Variants in TNS1 observed in about 807,000 individuals in gnomAD.
The protein encoded by TNS1 is tensin 1, also known as tensin-1.
A neutral mutation model predicts 168.6 loss-of-function variants in TNS1; 62 were observed. The observed-to-expected ratio is 0.37, with a 90% CI of 0.30 to 0.45. TNS1 has a LOEUF of 0.45. Ranked by LOEUF, TNS1 falls within the 20% of genes least tolerant of loss-of-function variation. The pLI is 1.00. For missense variants in TNS1, 2,240 were observed against 2,339.4 expected, an observed-to-expected ratio of 0.96 and a Z score of 0.88; for synonymous variants, 934 against 933.2, an observed-to-expected ratio of 1.00 and a Z score of -0.02.
intron 1 of TNS1, among the ~76,000 whole-genome samples, chr2:217,992,928 A>G (rs1225715300): frequency 1.3e-5 from 2 of 152,242 alleles, no homozygotes; most frequent in African/African-American, 4.8e-5. Context: ...GCTGACGATC[A>G]GAAATGCAGT....
At chr2:217,970,700 T>C (rs1340693730) in intron 3 of TNS1, among the ~76,000 whole-genome samples, 2 of 152,020 alleles carry the variant, frequency 1.3e-5, no homozygotes, top group Admixed American at 6.6e-5. Flanking sequence ...TGGCTACTGA[T>C]TGCTGGGGTG....
upstream of TNS1, among the ~76,000 whole-genome samples, chr2:218,012,622 C>A (rs1958715745): frequency 6.6e-6 from 1 of 152,198 alleles, no homozygotes; most frequent in Non-Finnish European, 1.5e-5. Flanking sequence ...CAGCTTCCCA[C>A]TTCCAACTTC....
rs564654913 is a variant in TNS1 at position 217,886,162 on chromosome 2, A to G, written c.980-58T>C. The G allele has an allele frequency of 8.9e-6, 14 of 1,568,122 alleles. No homozygotes were observed. In the African/African-American group the frequency reaches 1.8e-4, roughly 20 times the overall value. ...GCAGAAACTGGCAGGCAGGAGGGGC[A>G]GAGGAGACAGTGAAGGGAGAAAGAG... On this transcript the variant is annotated intron_variant, in intron 13 of 32. Coordinates refer to ENST00000682258, the MANE Select transcript of TNS1 (RefSeq NM_001387777.1).
intron 18 of TNS1, chr2:217,879,495 T>G (rs1356552075): frequency 2.3e-6 from 1 of 440,820 alleles, no homozygotes; most frequent in East Asian, 7.5e-5. Context: ...TCTTGGCCAA[T>G]CTGAGGGTGC....
chr2:218,014,921 AAGGCAGGCAGGC>A (rs1175728124), upstream of TNS1, among the ~76,000 whole-genome samples: 116 of 76,290 alleles, frequency 1.5e-3, no homozygotes, highest in African/African-American at 5.2e-3. Flanking sequence ...GGAAGGAAGG[AAGGCAGGCAGGC>A]AGGCAGGCAG....
intron 12 of TNS1, among the ~76,000 whole-genome samples, chr2:217,887,181 T>G (rs1951286036): frequency 6.6e-6 from 1 of 152,244 alleles, no homozygotes; most frequent in Admixed American, 6.5e-5. Context: ...ATGTAGTTCT[T>G]CACTTTCTCT....
At chr2:217,844,043 T>A (rs536778076) in intron 19 of TNS1, among the ~76,000 whole-genome samples, 78 of 152,290 alleles carry the variant, frequency 5.1e-4, no homozygotes, top group African/African-American at 1.9e-3. Context: ...GTCCTCCTCC[T>A]GCCTTCCTGC....
chr2:217,825,666 T>C (rs1943510159), intron 22 of TNS1, among the ~76,000 whole-genome samples: 1 of 152,028 alleles, frequency 6.6e-6, no homozygotes, highest in Non-Finnish European at 1.5e-5. Flanking sequence ...CAGCCAAGCC[T>C]GTGGCTTGCG....
rs1574848014 is a variant in TNS1, at chr2:217,859,512, G to A, written c.1430-10425C>T. On this transcript the variant is annotated intron_variant, in intron 18 of 32. Coordinates refer to ENST00000682258, the MANE Select transcript of TNS1 (RefSeq NM_001387777.1). Reference sequence around the variant, plus strand: ...AGGACTGGGGTGTCACCCAGGCAGGGCTCCAGGAGGGGACAGGAGCCCCAA... The same window carrying A: ...AGGACTGGGGTGTCACCCAGGCAGGACTCCAGGAGGGGACAGGAGCCCCAA... The A allele has an allele frequency of 6.3e-6, 5 of 792,260 alleles. No homozygotes were observed. The East Asian group carries it at 1.3e-4, about 21-fold the overall frequency. The allele number at this position is 792,260 out of a possible 1,614,324, so 49.1% of individuals were successfully genotyped here.
At chr2:217,841,283 A>G in intron 19 of TNS1, 1 of 984,962 alleles carries the variant, frequency 1.0e-6, no homozygotes, top group Non-Finnish European at 1.2e-6. Context: ...CTGGCGTTGT[A>G]CGCTGCCCAC....
chr2:217,854,603 C>A (rs1385899174), intron 18 of TNS1, among the ~76,000 whole-genome samples: 1 of 152,186 alleles, frequency 6.6e-6, no homozygotes, highest in Non-Finnish European at 1.5e-5. Flanking sequence ...GGGCAAAACT[C>A]CTTAAAAGGA....
chr2:217,908,301 A>T (rs1037842098), intron 4 of TNS1, among the ~76,000 whole-genome samples: 3 of 152,108 alleles, frequency 2.0e-5, no homozygotes, highest in African/African-American at 7.2e-5. Flanking sequence ...AAGAAGAGAA[A>T]CTTCTTATGC....
intron 6 of TNS1, chr2:217,903,567 T>A: frequency 6.5e-7 from 1 of 1,528,550 alleles, no homozygotes. Flanking sequence ...TTCATCCAAC[T>A]CTCTAAACAC....
At chr2:217,842,457 TTC>T (rs1946106426) in intron 19 of TNS1, among the ~76,000 whole-genome samples, 1 of 152,164 alleles carries the variant, frequency 6.6e-6, no homozygotes, top group Non-Finnish European at 1.5e-5. Context: ...ACTTTTCTCT[TTC>T]TCTCTCATTC....
At chr2:217,928,524 C>T (rs1956152877) in intron 3 of TNS1, among the ~76,000 whole-genome samples, 2 of 152,228 alleles carry the variant, frequency 1.3e-5, no homozygotes, top group Non-Finnish European at 2.9e-5. Context: ...AACACCAAGC[C>T]AGGGCACACA....
At chr2:217,908,645 A>G (rs2125799945) in intron 4 of TNS1, among the ~76,000 whole-genome samples, 1 of 152,254 alleles carries the variant, frequency 6.6e-6, no homozygotes, top group Non-Finnish European at 1.5e-5. Flanking sequence ...GGCTGAGCGG[A>G]GGTAACAGTG....
upstream of TNS1, among the ~76,000 whole-genome samples, chr2:218,005,668 C>G (rs1235643860): frequency 6.6e-6 from 1 of 152,214 alleles, no homozygotes; most frequent in Non-Finnish European, 1.5e-5. Flanking sequence ...ATCCCCAGAG[C>G]CTGGCATACA....
chr2:217,891,349 C>G (rs1951729287), intron 11 of TNS1, among the ~76,000 whole-genome samples: 1 of 152,228 alleles, frequency 6.6e-6, no homozygotes. Flanking sequence ...TCCTGAATCT[C>G]TCTGAACTTC....
chr2:217,814,057 A>G, intron 25 of TNS1: 1 of 328,484 alleles, frequency 3.0e-6, no homozygotes, highest in Non-Finnish European at 5.5e-6. Context: ...GCTGGCATGC[A>G]GTGGCACAAT....
Sources: allele counts gnomAD v4.1 joint callset (sites outside exome capture counted in the v4.1 genomes callset), GRCh38; gene constraint gnomAD v4.1.1; transcripts MANE v1.5; gene names NCBI Gene and HGNC (gene_info 2026-07-23, HGNC 2026-07-21).